SLC16A7: variants seen among roughly 807,000 people sequenced by gnomAD.
SLC16A7 encodes the protein monocarboxylate transporter 2.
SLC16A7 carries 33 observed loss-of-function variants against 34.9 expected under a neutral mutation model. The observed-to-expected ratio is 0.94, with a 90% confidence interval of 0.72 to 1.26. The LOEUF (loss-of-function observed/expected upper bound fraction) is 1.26, where lower values mean the gene tolerates loss of function less well. SLC16A7 is among the 50% of genes most tolerant of loss of function. SLC16A7 has a pLI of 0.00. For synonymous variants in SLC16A7, 201 were observed against 206.6 expected (o/e 0.97, Z 0.23); for missense variants, 573 against 578.1 (o/e 0.99, Z 0.09).
chr12:59,739,361 A>G (rs1341641187), intron 3 of SLC16A7, among the ~76,000 whole-genome samples: 2 of 139,898 alleles, frequency 1.4e-5, no homozygotes, highest in Non-Finnish European at 3.1e-5. Flanking sequence ...TGTCCCTACA[A>G]AGGACATGAA....
At position 59,603,102 on chromosome 12, in the gene SLC16A7, C is replaced by A. The variant is rs574283302; in HGVS notation, c.-130+6866C>A. On this transcript the variant is annotated intron_variant, in intron 1 of 5. Transcript: ENST00000547379. ...ACCCTTTCTCTGGACTTGTGTACAT[C>A]CAAAATAATTTTTTAATTATTTATT... is the stretch of plus-strand genomic sequence containing the variant. Among the ~76,000 whole-genome samples the A allele has an allele frequency of 4.1e-4, 62 of 152,284 alleles. No homozygotes were observed. The South Asian group carries it at 0.012, about 31-fold the overall frequency.
intron 1 of SLC16A7, among the ~76,000 whole-genome samples, chr12:59,642,899 A>T (rs1318176069): frequency 6.6e-6 from 1 of 152,116 alleles, no homozygotes; most frequent in African/African-American, 2.4e-5. Flanking sequence ...GAAAAACCTT[A>T]TAATAATTGG....
chr12:59,760,686 A>G (rs1880918781), intron 3 of SLC16A7, among the ~76,000 whole-genome samples: 1 of 152,096 alleles, frequency 6.6e-6, no homozygotes, highest in Admixed American at 6.6e-5. Context: ...ATGGGCAGGT[A>G]ATCTATACAG....
Position 59,641,902 on chromosome 12 carries a change from T to C in SLC16A7, c.-129-13250T>C, listed in dbSNP as rs555115395. On this transcript the variant is annotated intron_variant, in intron 1 of 5. Coordinates refer to ENST00000547379, the MANE Select transcript of SLC16A7 (RefSeq NM_001270623.2). The stretch of plus-strand genomic sequence containing the variant: ...AGTTTGTCCTTGGTGGGAAGATGTA[T>C]AATAGTGGTAATACTTCACCATTTT... Among the ~76,000 whole-genome samples, 6 of 152,162 alleles carry C rather than the reference T, an allele frequency of 3.9e-5. No homozygotes were observed. In the East Asian group the frequency reaches 1.2e-3, roughly 29 times the overall value.
intron 3 of SLC16A7, among the ~76,000 whole-genome samples, chr12:59,714,174 G>A (rs530697315): frequency 5.9e-5 from 9 of 152,284 alleles, no homozygotes; most frequent in Middle Eastern, 3.4e-3. Context: ...GAGAGTTCTA[G>A]TAGCCCAGAG....
chr12:59,647,474 G>C (rs1868267230), intron 1 of SLC16A7, among the ~76,000 whole-genome samples: 1 of 152,160 alleles, frequency 6.6e-6, no homozygotes, highest in African/African-American at 2.4e-5. Context: ...CCCTAGCCCT[G>C]TGGAACTGTG....
intron 2 of SLC16A7, among the ~76,000 whole-genome samples, chr12:59,664,099 A>C (rs980156837): frequency 6.6e-6 from 1 of 152,044 alleles, no homozygotes; most frequent in Non-Finnish European, 1.5e-5. Context: ...TTTTACAGCT[A>C]TATGGCCTTA....
chr12:59,782,633 A>AT lies in SLC16A7; in HGVS notation c.*2960dup, dbSNP rs1323491143. 6.6e-6 allele frequency: 1 copy of AT among 152,038 alleles called. No homozygotes were observed. Among genetic ancestry groups the AT allele is most frequent in the Admixed American group, 6.6e-5 (1 of 15,238 alleles). The allele number at this position is 152,038 out of a possible 1,614,324, so 9.4% of individuals were successfully genotyped here. A position where few individuals can be genotyped will look rare whatever the true frequency, so the allele number is the denominator to read the frequency against. ...CAGATAATTCATGGCTACTTTAACT[A>AT]TTTTTTCATTCGTGTTAACTGAGCC... On this transcript the variant is annotated 3_prime_UTR_variant, in exon 6 of 6. Coordinates refer to ENST00000547379, the MANE Select transcript of SLC16A7 (RefSeq NM_001270623.2).
At chr12:59,657,039 A>T (rs920991535) in intron 2 of SLC16A7, among the ~76,000 whole-genome samples, 1 of 151,926 alleles carries the variant, frequency 6.6e-6, no homozygotes, top group African/African-American at 2.4e-5. Flanking sequence ...TGTGTTAAGT[A>T]CTTAGAATAT....
At position 59,632,595 on chromosome 12, in the gene SLC16A7, G is replaced by A. The variant is rs1880232005; in HGVS notation, c.-129-22557G>A. On this transcript the variant is annotated intron_variant, in intron 1 of 5. Transcript: ENST00000547379. Reference sequence around the variant, plus strand: ...ATCTTGAGCCCTGGGCACCTTCTGTGCCTTGCCCTAGTCCTGACACTACCT... The same window carrying A: ...ATCTTGAGCCCTGGGCACCTTCTGTACCTTGCCCTAGTCCTGACACTACCT... 2.6e-5 allele frequency among the ~76,000 whole-genome samples: 4 copies of A among 151,912 alleles called. No individual in the cohort carries two copies. In the South Asian group the frequency reaches 6.2e-4, roughly 24 times the overall value.
intron 1 of SLC16A7, among the ~76,000 whole-genome samples, chr12:59,641,438 A>G (rs1030356223): frequency 1.3e-5 from 2 of 152,088 alleles, no homozygotes; most frequent in Non-Finnish European, 2.9e-5. Context: ...TGGGGTTACC[A>G]TGCTGAATGA....
intron 3 of SLC16A7, among the ~76,000 whole-genome samples, chr12:59,714,266 G>A (rs550893003): frequency 6.1e-4 from 93 of 152,320 alleles, no homozygotes; most frequent in Non-Finnish European, 1.2e-3. Flanking sequence ...ATGATCCTGG[G>A]CCACATATTG....
intron 2 of SLC16A7, among the ~76,000 whole-genome samples, chr12:59,671,310 C>T (rs957213365): frequency 5.9e-5 from 9 of 152,058 alleles, no homozygotes; most frequent in Admixed American, 1.3e-4. Context: ...AGCTTTAGCT[C>T]ATTTATTTTA....
rs1331330413 is a variant in SLC16A7 at position 59,781,631 on chromosome 12, T to C, written c.*1952T>C. 1 of 152,576 alleles carries C rather than the reference T, an allele frequency of 6.6e-6. No homozygotes were observed. The highest frequency in any genetic ancestry group is 1.5e-5 in the Non-Finnish European group (1 of 68,022). The allele number at this position is 152,576 out of a possible 1,614,324, so 9.5% of individuals were successfully genotyped here. A position where few individuals can be genotyped will look rare whatever the true frequency, so the allele number is the denominator to read the frequency against. The stretch of plus-strand genomic sequence containing the variant: ...ATAAATTAGGGAAAATGTGGGACTT[T>C]ATGGCTGTTTTTAATTTAGTTTCAC... On this transcript the variant is annotated 3_prime_UTR_variant, in exon 6 of 6. Coordinates refer to ENST00000547379, the MANE Select transcript of SLC16A7 (RefSeq NM_001270623.2).
At chr12:59,600,630 C>T (rs1463812321) in intron 1 of SLC16A7, among the ~76,000 whole-genome samples, 1 of 152,096 alleles carries the variant, frequency 6.6e-6, no homozygotes, top group African/African-American at 2.4e-5. Flanking sequence ...TAACACTTAT[C>T]ACACGTATTT....
chr12:59,699,917 C>G (rs1461953597), intron 2 of SLC16A7, among the ~76,000 whole-genome samples: 1 of 151,728 alleles, frequency 6.6e-6, no homozygotes, highest in Non-Finnish European at 1.5e-5. Context: ...TTTTTATAGT[C>G]TAATACCATG....
At chr12:59,766,136 G>C (rs1412234983) in intron 3 of SLC16A7, among the ~76,000 whole-genome samples, 1 of 152,074 alleles carries the variant, frequency 6.6e-6, no homozygotes, top group Non-Finnish European at 1.5e-5. Flanking sequence ...CTCTCTGTTT[G>C]TTATTGGTGT....
At position 59,786,951 on chromosome 12, in the gene SLC16A7, T is replaced by A. The variant is rs1252037930; in HGVS notation, c.*7272T>A. ...TCCAATCATGGTTTGCAAAATCATG[T>A]TTGCAAACTTACTTTGAAGACTATT... On this transcript the variant is annotated 3_prime_UTR_variant, in exon 6 of 6. Coordinates refer to ENST00000547379, the MANE Select transcript of SLC16A7 (RefSeq NM_001270623.2). The A allele has an allele frequency of 6.6e-6, 1 of 152,154 alleles. No homozygotes were observed. Among genetic ancestry groups the A allele is most frequent in the Non-Finnish European group, 1.5e-5 (1 of 68,000 alleles). 9.4% of individuals were successfully genotyped at this position (152,154 alleles called of 1,614,324 possible). A position where few individuals can be genotyped will look rare whatever the true frequency, so the allele number is the denominator to read the frequency against.
intron 1 of SLC16A7, among the ~76,000 whole-genome samples, chr12:59,625,209 C>A (rs1487084176): frequency 2.0e-5 from 3 of 151,676 alleles, no homozygotes; most frequent in Admixed American, 2.0e-4. Context: ...TTTTATGAGG[C>A]CTTACAGGAA....
Sources: gnomAD v4.1 joint callset for allele counts (sites outside exome capture counted in the v4.1 genomes callset) on GRCh38, gnomAD v4.1.1 for gene constraint, MANE v1.5 for transcripts, NCBI Gene and HGNC (gene_info 2026-07-23, HGNC 2026-07-21) for gene names.